The following RANBP17 variants were observed in gnomAD, a reference collection of about 807,000 sequenced individuals.
RANBP17 encodes ran-binding protein 17.
In RANBP17, 158 loss-of-function variants were observed where a neutral mutation model predicts 141.2. The ratio of observed to expected loss-of-function variants is 1.12; its 90% CI spans 0.98 to 1.28. The LOEUF (loss-of-function observed/expected upper bound fraction) is 1.28. RANBP17 is among the 50% of genes most tolerant of loss of function. The probability of loss-of-function intolerance (pLI) is 0.00; values close to 1 mark genes in which losing one functional copy is unlikely to be tolerated. For synonymous variants in RANBP17, 430 were observed against 450.0 expected (o/e 0.96, Z 0.56); for missense variants, 1,438 against 1,290.7 (o/e 1.11, Z -1.75).
chr5:171,056,141 A>G (rs576281155), intron 14 of RANBP17, among the ~76,000 whole-genome samples: 4 of 152,284 alleles, frequency 2.6e-5, no homozygotes, highest in South Asian at 2.1e-4. Context: ...AAAAGCCAAA[A>G]AAGATTACTT....
chr5:171,048,632 A>G (rs1024393875), intron 14 of RANBP17, among the ~76,000 whole-genome samples: 2 of 152,004 alleles, frequency 1.3e-5, no homozygotes, highest in East Asian at 1.9e-4. Flanking sequence ...CCTTTCTCCC[A>G]TCCCCTACCC....
intron 14 of RANBP17, among the ~76,000 whole-genome samples, chr5:171,137,571 G>GGTGTGTGTGTGTGTGTGTGTGTGTGT (rs757634108): frequency 9.5e-5 from 6 of 63,132 alleles, no homozygotes; most frequent in East Asian, 4.6e-4. Context: ...GTTGACTTGA[G>GGTGTGTGTGTGTGTGTGTGTGTGTGT]ATGTGTGTGT....
intron 14 of RANBP17, among the ~76,000 whole-genome samples, chr5:171,090,653 G>GA (rs56188053): frequency 5.3e-5 from 8 of 150,310 alleles, no homozygotes; most frequent in East Asian, 3.9e-4. Flanking sequence ...AGGTTTAGGA[G>GA]AAAAAAAAAA....
intron 14 of RANBP17, among the ~76,000 whole-genome samples, chr5:171,027,428 G>A (rs2127612867): frequency 6.6e-6 from 1 of 152,104 alleles, no homozygotes; most frequent in East Asian, 1.9e-4. Context: ...TAGTTTGGTG[G>A]AACTAAACTC....
At chr5:170,885,713 GTTGTT>G (rs1183860587) in intron 3 of RANBP17, among the ~76,000 whole-genome samples, 1 of 152,114 alleles carries the variant, frequency 6.6e-6, no homozygotes, top group African/African-American at 2.4e-5. Flanking sequence ...TTAAATAAGT[GTTGTT>G]TTGTCCTCTT....
rs371648957 is a variant in RANBP17 at position 171,156,569 on chromosome 5, GT to G, written c.1711-13559del. Among the ~76,000 whole-genome samples the G allele has an allele frequency of 5.8e-3, 888 of 152,178 alleles. 13 individuals are homozygous for G. Among genetic ancestry groups the G allele is most frequent in the African/African-American group, 0.021 (857 of 41,536 alleles). On this transcript the variant is annotated intron_variant, in intron 14 of 27. Transcript: ENST00000523189. ...TAAAAGTCCACAATTTGCCAAGATG[GT>G]TAATAGGACACAAATATAGACATTT...
At chr5:171,012,283 C>G (rs1250195222) in intron 14 of RANBP17, among the ~76,000 whole-genome samples, 1 of 152,008 alleles carries the variant, frequency 6.6e-6, no homozygotes, top group Non-Finnish European at 1.5e-5. Context: ...TATGGTTATC[C>G]TGGAGATACT....
At chr5:171,132,390 T>TA (rs60491091) in intron 14 of RANBP17, among the ~76,000 whole-genome samples, 4 of 151,424 alleles carry the variant, frequency 2.6e-5, no homozygotes, top group Non-Finnish European at 5.9e-5. Context: ...TTTTTTTTTT[T>TA]AATTGTCTGC....
At chr5:171,155,078 G>GAAAAAA (rs145976955) in intron 14 of RANBP17, among the ~76,000 whole-genome samples, 41 of 74,990 alleles carry the variant, frequency 5.5e-4, no homozygotes, top group Admixed American at 1.1e-3. Context: ...ACTCCATCTA[G>GAAAAAA]AAAAAAAAAA....
At chr5:171,130,314 A>C (rs1756809297) in intron 14 of RANBP17, among the ~76,000 whole-genome samples, 1 of 152,150 alleles carries the variant, frequency 6.6e-6, no homozygotes, top group Non-Finnish European at 1.5e-5. Flanking sequence ...ACAGATTATT[A>C]GAAAATGTCA....
intron 9 of RANBP17, among the ~76,000 whole-genome samples, chr5:170,917,233 CATAAT>C (rs1772049676): frequency 6.6e-6 from 1 of 152,142 alleles, no homozygotes; most frequent in African/African-American, 2.4e-5. Context: ...AACTAGAAGA[CATAAT>C]ATAAATCTGA....
chr5:171,256,234 G>C (rs1765881724), intron 24 of RANBP17, among the ~76,000 whole-genome samples: 1 of 152,158 alleles, frequency 6.6e-6, no homozygotes, highest in African/African-American at 2.4e-5. Context: ...GTGTGACCTT[G>C]GGCAAGTCAC....
intron 14 of RANBP17, among the ~76,000 whole-genome samples, chr5:171,101,019 A>G (rs967958801): frequency 4.6e-5 from 7 of 152,160 alleles, no homozygotes; most frequent in African/African-American, 1.7e-4. Flanking sequence ...TTTACTTCCA[A>G]TTATGTGATC....
chr5:171,266,599 A>G (rs1359724368), intron 25 of RANBP17, among the ~76,000 whole-genome samples: 1 of 152,176 alleles, frequency 6.6e-6, no homozygotes, highest in Non-Finnish European at 1.5e-5. Context: ...CCTGGGCAAC[A>G]TAGCAAGACC....
Position 171,245,235 on chromosome 5 carries a change from T to G in RANBP17, c.2776+2415T>G, listed in dbSNP as rs140981482. Among the ~76,000 whole-genome samples, 268 of 152,342 alleles carry G rather than the reference T, an allele frequency of 1.8e-3. 1 individual carries two copies. The highest frequency in any genetic ancestry group is 5.7e-3 in the African/African-American group (237 of 41,578). ...TCCTTATGGGTCATGTTTTTTTCATTCTTAATATAACTTGTTATTTTTGAA... is the reference window on the plus strand; with the variant it reads ...TCCTTATGGGTCATGTTTTTTTCATGCTTAATATAACTTGTTATTTTTGAA... On this transcript the variant is annotated intron_variant, in intron 24 of 27. Transcript: ENST00000523189.
At chr5:171,268,224 T>C (rs971212789) in intron 25 of RANBP17, among the ~76,000 whole-genome samples, 6 of 152,218 alleles carry the variant, frequency 3.9e-5, no homozygotes, top group Non-Finnish European at 7.3e-5. Context: ...TATTTGATCA[T>C]TTCATTAATA....
At chr5:171,089,018 C>T (rs1785952220) in intron 14 of RANBP17, among the ~76,000 whole-genome samples, 1 of 151,830 alleles carries the variant, frequency 6.6e-6, no homozygotes, top group Non-Finnish European at 1.5e-5. Context: ...AACTGCGTTC[C>T]TTTGGAGGAG....
chr5:170,976,761 T>C (rs1204388292), intron 14 of RANBP17, among the ~76,000 whole-genome samples: 1 of 152,058 alleles, frequency 6.6e-6, no homozygotes, highest in African/African-American at 2.4e-5. Context: ...AACTCAGTAG[T>C]GGAAGAATAG....
chr5:170,921,568 C>T (rs998588915), intron 11 of RANBP17, among the ~76,000 whole-genome samples: 3 of 151,700 alleles, frequency 2.0e-5, no homozygotes, highest in East Asian at 1.9e-4. Flanking sequence ...CTTGGCTATA[C>T]GGGCTCTTTT....
Sources: gnomAD v4.1 joint callset for allele counts (sites outside exome capture counted in the v4.1 genomes callset) on GRCh38, gnomAD v4.1.1 for gene constraint, MANE v1.5 for transcripts, NCBI Gene and HGNC (gene_info 2026-07-23, HGNC 2026-07-21) for gene names.